The following SEC24D variants were observed in gnomAD, a reference collection of about 807,000 sequenced individuals.
SEC24D encodes SEC24 homolog D, COPII component.
In SEC24D, 69 loss-of-function variants were observed where a neutral mutation model predicts 116.9. That is an observed-to-expected ratio of 0.59 (90% CI 0.49 to 0.72). The LOEUF (loss-of-function observed/expected upper bound fraction) is 0.72. SEC24D is among the 30% of genes least tolerant of loss of function. The pLI is 0.00. For missense variants in SEC24D, 1,131 were observed against 1,264.1 expected (o/e 0.89, Z 1.60); for synonymous variants, 405 against 442.8 (o/e 0.91, Z 1.07).
intron 22 of SEC24D, among the ~76,000 whole-genome samples, chr4:118,726,523 T>C (rs1725421765): frequency 6.6e-6 from 1 of 152,206 alleles, no homozygotes; most frequent in Non-Finnish European, 1.5e-5. Context: ...ATATTGCCGG[T>C]GTTCAATAAA....
intron 13 of SEC24D, among the ~76,000 whole-genome samples, chr4:118,751,439 A>G (rs1260716978): frequency 6.6e-6 from 1 of 152,088 alleles, no homozygotes; most frequent in Non-Finnish European, 1.5e-5. Context: ...CAGCCTCCCA[A>G]GGTGCTGGGA....
chr4:118,742,508 T>C (rs903933563), intron 15 of SEC24D, among the ~76,000 whole-genome samples: 1 of 152,222 alleles, frequency 6.6e-6, no homozygotes, highest in Admixed American at 6.5e-5. Flanking sequence ...TTCTGTATGA[T>C]TATTAAAAGT....
intron 17 of SEC24D, among the ~76,000 whole-genome samples, chr4:118,739,948 C>T (rs1726149004): frequency 6.6e-6 from 1 of 152,168 alleles, no homozygotes; most frequent in African/African-American, 2.4e-5. Flanking sequence ...TCCTATTCCA[C>T]TTGCTTAACA....
At chr4:118,760,227 G>A (rs1411925864) in intron 10 of SEC24D, among the ~76,000 whole-genome samples, 1 of 152,164 alleles carries the variant, frequency 6.6e-6, no homozygotes. Context: ...GTGGCATTAA[G>A]TGCACTCACA....
rs1726188729 is a variant in SEC24D, at chr4:118,740,775, A to C, written c.2126T>G (p.Leu709Trp). The C allele has an allele frequency of 6.2e-7, 1 of 1,613,940 alleles. No homozygotes were observed. The highest frequency in any genetic ancestry group is 8.5e-7 in the Non-Finnish European group (1 of 1,179,880). Residue 709 changes from leucine (L) to tryptophan (W), a missense_variant, in exon 17 of 23, where the codon TTG becomes TGG. Leu to Trp is a moderately conservative substitution (Grantham distance 61). Coordinates refer to ENST00000280551, the MANE Select transcript of SEC24D (RefSeq NM_014822.4). ...FRATDFFGGILMNNTTDVEMA... is the reference protein window; with the variant it reads ...FRATDFFGGIWMNNTTDVEMA... ...TTCTACATCGGTGGTGTTGTTCATC[A>C]AGATTCCACCAAAGAAATCAGTGGC...
Position 118,764,861 on chromosome 4 carries a change from C to T in SEC24D, c.1237G>A (p.Glu413Lys). Residue 413 changes from glutamate (E) to lysine (K), a missense_variant, in exon 10 of 23, where the codon GAG becomes AAG. By Grantham distance (56) the Glu-to-Lys change is moderately conservative (BLOSUM62 1). Coordinates refer to ENST00000280551, the MANE Select transcript of SEC24D (RefSeq NM_014822.4). ...DHIGRRLDHY[E>K]KPELSLGSYE... ...GATCCTAGAGATAACTCTGGTTTCT[C>T]ATAGTGGTCCAGTCTTCTTCCAATG... 6.2e-7 allele frequency: 1 copy of T among 1,611,702 alleles called. No homozygotes were observed.
chr4:118,784,489 C>T (rs1182722068), intron 8 of SEC24D, among the ~76,000 whole-genome samples: 1 of 151,996 alleles, frequency 6.6e-6, no homozygotes, highest in East Asian at 1.9e-4. Flanking sequence ...AATCTCATTC[C>T]ATGTTAAGAC....
chr4:118,773,286 T>C (rs895030428), intron 8 of SEC24D, among the ~76,000 whole-genome samples: 1 of 151,518 alleles, frequency 6.6e-6, no homozygotes, highest in African/African-American at 2.4e-5. Context: ...TTACTGGTCA[T>C]GGGAAAGAAA....
At chr4:118,729,924 T>C (rs1725598374) in intron 21 of SEC24D, 1 of 152,252 alleles carries the variant, frequency 6.6e-6, no homozygotes, top group Admixed American at 6.5e-5. Flanking sequence ...GATCTATTTA[T>C]TCAACAAACA....
At chr4:118,727,988 C>T (rs189722465) in intron 22 of SEC24D, among the ~76,000 whole-genome samples, 21 of 152,084 alleles carry the variant, frequency 1.4e-4, no homozygotes, top group African/African-American at 4.1e-4. Flanking sequence ...TTACACAGCA[C>T]ATCATCATCA....
chr4:118,834,428 T>C (rs77077132), intron 1 of SEC24D, among the ~76,000 whole-genome samples: 1 of 152,344 alleles, frequency 6.6e-6, no homozygotes, highest in East Asian at 1.9e-4. Flanking sequence ...GGAAAAAAAG[T>C]GTAATTTTGT....
intron 8 of SEC24D, among the ~76,000 whole-genome samples, chr4:118,794,627 C>T (rs780124330): frequency 3.9e-5 from 6 of 152,152 alleles, no homozygotes; most frequent in Non-Finnish European, 5.9e-5. Flanking sequence ...GTTCAGATAG[C>T]AAAGGAACAA....
chr4:118,767,939 G>C (rs1287915251), intron 9 of SEC24D, among the ~76,000 whole-genome samples: 1 of 152,078 alleles, frequency 6.6e-6, no homozygotes, highest in South Asian at 2.1e-4. Flanking sequence ...CCCTACATTT[G>C]AGTTTTTTAA....
intron 13 of SEC24D, among the ~76,000 whole-genome samples, chr4:118,746,694 C>T (rs1358634243): frequency 6.6e-6 from 1 of 152,112 alleles, no homozygotes; most frequent in Admixed American, 6.6e-5. Context: ...ATCCATTTCT[C>T]CAGCTCTCTG....
chr4:118,790,333 A>G (rs559046331), intron 8 of SEC24D, among the ~76,000 whole-genome samples: 14 of 152,220 alleles, frequency 9.2e-5, no homozygotes, highest in Non-Finnish European at 1.9e-4. Context: ...ATGTATAATT[A>G]GACTATGCAC....
intron 6 of SEC24D, among the ~76,000 whole-genome samples, chr4:118,808,897 G>T (rs943666146): frequency 6.6e-6 from 1 of 152,170 alleles, no homozygotes. Flanking sequence ...GAAGACGTGT[G>T]TGCCATGCAA....
chr4:118,792,716 A>C (rs1327802601), intron 8 of SEC24D, among the ~76,000 whole-genome samples: 4 of 151,860 alleles, frequency 2.6e-5, no homozygotes, highest in Admixed American at 2.6e-4. Context: ...AGTCATCACC[A>C]CTCCCTAATC....
chr4:118,794,682 A>G (rs1035026579), intron 8 of SEC24D, among the ~76,000 whole-genome samples: 2 of 152,218 alleles, frequency 1.3e-5, no homozygotes, highest in Non-Finnish European at 2.9e-5. Context: ...TCCCCCTGAG[A>G]AAAGCTGTGG....
intron 7 of SEC24D, among the ~76,000 whole-genome samples, chr4:118,802,371 T>G (rs1729481031): frequency 6.6e-6 from 1 of 152,244 alleles, no homozygotes; most frequent in South Asian, 2.1e-4. Context: ...CCCTGGGCCT[T>G]ATCCTTACAT....
Sources: gnomAD v4.1 joint callset for allele counts (sites outside exome capture counted in the v4.1 genomes callset) on GRCh38, gnomAD v4.1.1 for gene constraint, MANE v1.5 for transcripts, NCBI Gene and HGNC (gene_info 2026-07-23, HGNC 2026-07-21) for gene names.